Variants in WWOX observed in about 807,000 individuals in gnomAD.
The protein encoded by WWOX is WW domain-containing oxidoreductase.
Under a neutral mutation model 46.2 loss-of-function variants are expected in WWOX, and 69 were observed. That is an observed-to-expected ratio of 1.49 (90% confidence interval 1.23 to 1.82). WWOX has a LOEUF of 1.82. Ranked by LOEUF, WWOX falls within the 40% of genes most tolerant of loss-of-function variation. WWOX has a pLI of 0.00. For missense variants in WWOX, 919 were observed against 542.6 expected, an observed-to-expected ratio of 1.69 and a Z score of -6.89; for synonymous variants, 359 against 202.6, an observed-to-expected ratio of 1.77 and a Z score of -6.56.
chr16:78,380,576 G>C (rs888824830), intron 5 of WWOX, among the ~76,000 whole-genome samples: 3 of 151,966 alleles, frequency 2.0e-5, no homozygotes, highest in African/African-American at 7.3e-5. Flanking sequence ...CCCATTCAGC[G>C]GTGACCACCA....
At chr16:78,133,608 C>A (rs1399762222) in intron 4 of WWOX, among the ~76,000 whole-genome samples, 3 of 152,186 alleles carry the variant, frequency 2.0e-5, no homozygotes, top group Non-Finnish European at 4.4e-5. Context: ...GTTGGCCAGG[C>A]TGGTCTGGAA....
intron 8 of WWOX, among the ~76,000 whole-genome samples, chr16:78,729,205 C>T (rs764335954): frequency 5.3e-5 from 8 of 151,616 alleles, no homozygotes; most frequent in Non-Finnish European, 1.0e-4. Context: ...AGCCAGACAT[C>T]GTGGTGCATG....
At chr16:78,635,438 G>A (rs1023262365) in intron 8 of WWOX, among the ~76,000 whole-genome samples, 2 of 152,266 alleles carry the variant, frequency 1.3e-5, no homozygotes, top group East Asian at 3.9e-4. Context: ...CCTTGACTGG[G>A]CAAGAAGGGA....
chr16:78,469,436 A>G (rs1278125041), intron 8 of WWOX, among the ~76,000 whole-genome samples: 1 of 152,208 alleles, frequency 6.6e-6, no homozygotes, highest in African/African-American at 2.4e-5. Flanking sequence ...AAAGTGAGCA[A>G]CAAGGAGACT....
chr16:78,614,267 G>A (rs899104150), intron 8 of WWOX, among the ~76,000 whole-genome samples: 1 of 152,196 alleles, frequency 6.6e-6, no homozygotes, highest in African/African-American at 2.4e-5. Flanking sequence ...TTTCCAGCTT[G>A]GGCAGTATAG....
chr16:78,129,425 C>T lies in WWOX; in HGVS notation c.409+14271C>T, dbSNP rs529922362. ...CCTAAGATTATAGGCAGTCATAACA[C>T]AGTGTTAAGTATTTGTGTATCTAAA... On this transcript the variant is annotated intron_variant, in intron 4 of 8. Transcript: ENST00000566780. 1.4e-4 allele frequency among the ~76,000 whole-genome samples: 21 copies of T among 152,242 alleles called. No individual in the cohort carries two copies. The South Asian group carries it at 3.9e-3, about 29-fold the overall frequency.
intron 5 of WWOX, among the ~76,000 whole-genome samples, chr16:78,297,128 G>T (rs57386345): frequency 1.3e-5 from 2 of 152,056 alleles, no homozygotes; most frequent in African/African-American, 4.8e-5. Flanking sequence ...CTCTGGGTTC[G>T]TTTGGTATCC....
At chr16:78,336,643 TTC>T (rs1311964856) in intron 5 of WWOX, among the ~76,000 whole-genome samples, 2 of 152,028 alleles carry the variant, frequency 1.3e-5, no homozygotes, top group Non-Finnish European at 2.9e-5. Flanking sequence ...AGGTAAGGAC[TTC>T]TTAGTTCCAG....
Position 78,432,688 on chromosome 16 carries a change from T to G in WWOX, c.992T>G (p.Ile331Ser). ...VHPGNMMYSNIHRSWWVYTLL... is the reference protein window; with the variant it reads ...VHPGNMMYSNSHRSWWVYTLL... Reference sequence around the variant, plus strand: ...CCTGGAAATATGATGTACTCCAACATTCATCGCAGCTGGTGGGTGTACACA... The same window carrying G: ...CCTGGAAATATGATGTACTCCAACAGTCATCGCAGCTGGTGGGTGTACACA... Residue 331 changes from isoleucine (I) to serine (S), a missense_variant, in exon 8 of 9, where the codon ATT becomes AGT. By Grantham distance (142) the Ile-to-Ser change is moderately radical (BLOSUM62 -2). Transcript: ENST00000566780. 6.2e-7 allele frequency: 1 copy of G among 1,614,150 alleles called. No homozygotes were observed. Among genetic ancestry groups the G allele is most frequent in the Non-Finnish European group, 8.5e-7 (1 of 1,180,022 alleles).
chr16:78,616,533 A>G (rs991829214), intron 8 of WWOX, among the ~76,000 whole-genome samples: 4 of 151,304 alleles, frequency 2.6e-5, no homozygotes, highest in African/African-American at 4.9e-5. Context: ...AGGCCGAGGC[A>G]GGTGTCTCGG....
intron 8 of WWOX, among the ~76,000 whole-genome samples, chr16:79,022,490 G>T (rs184079553): frequency 1.4e-4 from 21 of 152,124 alleles, no homozygotes; most frequent in African/African-American, 5.1e-4. Context: ...TTTCTCGGAG[G>T]AGCTGAGTCC....
At chr16:78,111,333 C>T (rs531425108) in intron 3 of WWOX, among the ~76,000 whole-genome samples, 1 of 152,348 alleles carries the variant, frequency 6.6e-6, no homozygotes, top group South Asian at 2.1e-4. Context: ...TCAATCATTA[C>T]TATAAACACT....
intron 8 of WWOX, among the ~76,000 whole-genome samples, chr16:78,753,852 A>ATATATG (rs2049562860): frequency 1.2e-5 from 1 of 84,606 alleles, no homozygotes; most frequent in African/African-American, 5.0e-5. Flanking sequence ...ATATATATAT[A>ATATATG]TATGTATATG....
intron 8 of WWOX, among the ~76,000 whole-genome samples, chr16:78,818,779 G>A (rs9933775): frequency 2.6e-5 from 4 of 152,110 alleles, no homozygotes; most frequent in East Asian, 1.9e-4. Context: ...CCTTAGTTTC[G>A]TCTTTTCTGA....
intron 8 of WWOX, among the ~76,000 whole-genome samples, chr16:78,440,780 A>G (rs1034426680): frequency 5.9e-5 from 9 of 151,754 alleles, no homozygotes; most frequent in Non-Finnish European, 8.8e-5. Flanking sequence ...CACCAAACCC[A>G]GCTAATTTAT....
At chr16:79,146,797 T>C (rs1417301799) in intron 8 of WWOX, among the ~76,000 whole-genome samples, 1 of 152,136 alleles carries the variant, frequency 6.6e-6, no homozygotes, top group African/African-American at 2.4e-5. Context: ...CAAGAGATTT[T>C]AGTGCTAGGA....
chr16:78,634,583 G>A (rs1035972346), intron 8 of WWOX, among the ~76,000 whole-genome samples: 1 of 151,942 alleles, frequency 6.6e-6, no homozygotes, highest in Non-Finnish European at 1.5e-5. Context: ...GCGGGCGCCT[G>A]TAATCCCAGC....
chr16:78,755,545 A>G (rs1037887514), intron 8 of WWOX, among the ~76,000 whole-genome samples: 68 of 152,184 alleles, frequency 4.5e-4, no homozygotes, highest in African/African-American at 1.6e-3. Context: ...TGTAATATCA[A>G]ATAATTCTAC....
chr16:78,685,074 C>G (rs1567489475), intron 8 of WWOX, among the ~76,000 whole-genome samples: 1 of 152,122 alleles, frequency 6.6e-6, no homozygotes, highest in Non-Finnish European at 1.5e-5. Flanking sequence ...CATCGTCCAC[C>G]CTCTGAGATC....
Sources: gnomAD v4.1 joint callset for allele counts (sites outside exome capture counted in the v4.1 genomes callset) on GRCh38, gnomAD v4.1.1 for gene constraint, MANE v1.5 for transcripts, NCBI Gene and HGNC (gene_info 2026-07-23, HGNC 2026-07-21) for gene names.